Variants in SEMA3E observed in about 807,000 individuals in gnomAD.
SEMA3E encodes the protein semaphorin 3E.
A neutral mutation model predicts 93.6 loss-of-function variants in SEMA3E; 49 were observed. The observed-to-expected ratio is 0.52, with a 90% CI of 0.42 to 0.66. The LOEUF is 0.66. Among genes scored for constraint, SEMA3E ranks in the 30% least tolerant of loss-of-function variants. The probability of loss-of-function intolerance (pLI) is 0.00; values close to 1 mark genes in which losing one functional copy is unlikely to be tolerated. For missense variants in SEMA3E, 906 were observed against 964.8 expected (o/e 0.94, Z 0.81); for synonymous variants, 363 against 330.7 (o/e 1.10, Z -1.06).
intron 1 of SEMA3E, among the ~76,000 whole-genome samples, chr7:83,557,358 A>G (rs10274528): frequency 0.018 from 2,673 of 151,684 alleles, 76 homozygotes; most frequent in African/African-American, 0.059. Flanking sequence ...AAAAATAAGT[A>G]TCAACATAAA....
intron 4 of SEMA3E, among the ~76,000 whole-genome samples, chr7:83,452,331 A>G (rs1200407604): frequency 6.6e-6 from 1 of 152,122 alleles, no homozygotes; most frequent in East Asian, 1.9e-4. Flanking sequence ...AGTGGGGGAA[A>G]AAAAAGCCCT....
Position 83,390,128 on chromosome 7 carries a change from T to C in SEMA3E, c.1667+2427A>G, listed in dbSNP as rs547475086. ...GTGTGCACATATATGCGCGTATACGTGTGCACATATATGCGCGTATACGTG... is the reference window on the plus strand; with the variant it reads ...GTGTGCACATATATGCGCGTATACGCGTGCACATATATGCGCGTATACGTG... On this transcript the variant is annotated intron_variant, in intron 14 of 16. Coordinates refer to ENST00000643230, the MANE Select transcript of SEMA3E (RefSeq NM_012431.3). Among the ~76,000 whole-genome samples, 188 of 64,798 alleles carry C rather than the reference T, an allele frequency of 2.9e-3. 3 individuals are homozygous for C. Among genetic ancestry groups the C allele is most frequent in the African/African-American group, 7.8e-3 (132 of 16,984 alleles). 42.5% of individuals were successfully genotyped at this position (64,798 alleles called of 152,430 possible).
rs71522671 is a variant in SEMA3E, at chr7:83,600,486, A to ATTTTTTTTT, written c.115+47933_115+47941dup. 9.1e-3 allele frequency among the ~76,000 whole-genome samples: 575 copies of ATTTTTTTTT among 63,078 alleles called. 3 individuals carry two copies. Among genetic ancestry groups the ATTTTTTTTT allele is most frequent in the Non-Finnish European group, 0.012 (393 of 33,854 alleles). The allele number at this position is 63,078 out of a possible 152,430, so 41.4% of individuals were successfully genotyped here. On this transcript the variant is annotated intron_variant, in intron 1 of 16. Coordinates refer to ENST00000643230, the MANE Select transcript of SEMA3E (RefSeq NM_012431.3). ...AGGCGCCCGCCACCACGCCCAGCTA[A>ATTTTTTTTT]TTTTTTTTTTTTTTTTTTTTTTTTT...
Position 83,491,923 on chromosome 7 carries a change from A to G in SEMA3E, c.116-1649T>C, listed in dbSNP as rs185388551. 2.8e-4 allele frequency among the ~76,000 whole-genome samples: 42 copies of G among 152,188 alleles called. 1 individual carries two copies. The highest frequency in any genetic ancestry group is 2.3e-3 in the Admixed American group (35 of 15,248). ...TTCCTTTGCATACAGCAAGAGAAGC[A>G]CAGGTTGGGATCCACTAGCATAACA... is the stretch of plus-strand genomic sequence containing the variant. On this transcript the variant is annotated intron_variant, in intron 1 of 16. Coordinates refer to ENST00000643230, the MANE Select transcript of SEMA3E (RefSeq NM_012431.3).
chr7:83,430,235 C>A (rs553896128), intron 4 of SEMA3E, among the ~76,000 whole-genome samples: 2 of 152,076 alleles, frequency 1.3e-5, no homozygotes, highest in South Asian at 2.1e-4. Context: ...GAAGCCGAGG[C>A]GGGTGGATCA....
In SEMA3E at chr7:83,617,446, ATTTT is replaced by A. The variant is rs1793394441; in HGVS notation, c.115+30978_115+30981del. Among the ~76,000 whole-genome samples the A allele has an allele frequency of 3.1e-5, 4 of 128,408 alleles. No homozygotes were observed. The Admixed American group carries it at 3.3e-4, about 11-fold the overall frequency. The allele number at this position is 128,408 out of a possible 152,430, so 84.2% of individuals were successfully genotyped here. ...AATTTATATTAATAATTTTATATAA[ATTTT>A]ATATAAATAATATATAATTTTATAT... On this transcript the variant is annotated intron_variant, in intron 1 of 16. Transcript: ENST00000643230.
intron 1 of SEMA3E, among the ~76,000 whole-genome samples, chr7:83,545,829 A>AT (rs953151102): frequency 6.8e-6 from 1 of 146,988 alleles, no homozygotes. Flanking sequence ...ATATATATAT[A>AT]ATATATATCT....
At chr7:83,515,627 G>A (rs186945007) in intron 1 of SEMA3E, among the ~76,000 whole-genome samples, 1 of 152,126 alleles carries the variant, frequency 6.6e-6, no homozygotes, top group East Asian at 1.9e-4. Context: ...ATTATTATCC[G>A]GAATCTTCCA....
chr7:83,464,124 G>A (rs1346271343), intron 4 of SEMA3E, among the ~76,000 whole-genome samples: 1 of 151,996 alleles, frequency 6.6e-6, no homozygotes, highest in Non-Finnish European at 1.5e-5. Flanking sequence ...TTAGTATTCA[G>A]TGAAACCTTT....
chr7:83,514,052 A>C (rs1159299415), intron 1 of SEMA3E, among the ~76,000 whole-genome samples: 1 of 152,138 alleles, frequency 6.6e-6, no homozygotes, highest in African/African-American at 2.4e-5. Flanking sequence ...CCTAAATCCT[A>C]CCAAAACCAA....
intron 1 of SEMA3E, among the ~76,000 whole-genome samples, chr7:83,512,556 G>A (rs1325402187): frequency 4.0e-5 from 6 of 151,828 alleles, no homozygotes; most frequent in Admixed American, 3.3e-4. Flanking sequence ...TCTAAAGGAA[G>A]AAACAGAAAA....
rs190426154 is a variant in SEMA3E at position 83,647,920 on chromosome 7, G to T, written c.115+508C>A. On this transcript the variant is annotated intron_variant, in intron 1 of 16. Coordinates refer to ENST00000643230, the MANE Select transcript of SEMA3E (RefSeq NM_012431.3). ...CATGATGATGACAGTTATGGGTAGGGCATCATTTTTCTCCTCGGGATTTTT... is the reference window on the plus strand; with the variant it reads ...CATGATGATGACAGTTATGGGTAGGTCATCATTTTTCTCCTCGGGATTTTT... 4.6e-5 allele frequency among the ~76,000 whole-genome samples: 7 copies of T among 152,172 alleles called. No homozygotes were observed. The East Asian group carries it at 1.3e-3, about 29-fold the overall frequency.
intron 2 of SEMA3E, among the ~76,000 whole-genome samples, chr7:83,486,331 G>A (rs987139569): frequency 3.9e-5 from 6 of 152,102 alleles, no homozygotes; most frequent in Admixed American, 1.3e-4. Flanking sequence ...AATGAACATG[G>A]CACTCCCATC....
At chr7:83,456,552 T>C (rs933348061) in intron 4 of SEMA3E, among the ~76,000 whole-genome samples, 41 of 151,948 alleles carry the variant, frequency 2.7e-4, no homozygotes, top group African/African-American at 9.4e-4. Context: ...TCAGCATTCT[T>C]AGACTTTTTA....
At chr7:83,527,255 A>C (rs1457720890) in intron 1 of SEMA3E, among the ~76,000 whole-genome samples, 2 of 152,066 alleles carry the variant, frequency 1.3e-5, no homozygotes, top group Non-Finnish European at 2.9e-5. Flanking sequence ...TTAATTTTGG[A>C]CTTCCAGCCT....
chr7:83,642,266 G>C (rs1175197326), intron 1 of SEMA3E, among the ~76,000 whole-genome samples: 2 of 152,116 alleles, frequency 1.3e-5, no homozygotes, highest in Non-Finnish European at 2.9e-5. Context: ...TGGAGGTAAG[G>C]TTACCAAGGC....
chr7:83,400,211 T>C lies in SEMA3E; in HGVS notation c.1183A>G (p.Lys395Glu). 6.2e-7 allele frequency: 1 copy of C among 1,613,966 alleles called. No individual in the cohort carries two copies. Among genetic ancestry groups the C allele is most frequent in the African/African-American group, 1.3e-5 (1 of 75,028 alleles). Residue 395 changes from lysine to glutamate, a missense_variant, in exon 11 of 17, where the codon AAG becomes GAG. By Grantham distance (56) the Lys-to-Glu change is moderately conservative (BLOSUM62 1). Transcript: ENST00000643230. Reference sequence around the variant, plus strand: ...CGGATGGCATCATCAGGATAGTCCTTGGTGGTTCCGTATCTCCCTCCATTT... The same window carrying C: ...CGGATGGCATCATCAGGATAGTCCTCGGTGGTTCCGTATCTCCCTCCATTT... ...KVNGGRYGTTKDYPDDAIRFA... is the reference protein window; with the variant it reads ...KVNGGRYGTTEDYPDDAIRFA...
At chr7:83,512,288 G>A (rs1790840712) in intron 1 of SEMA3E, among the ~76,000 whole-genome samples, 2 of 152,168 alleles carry the variant, frequency 1.3e-5, no homozygotes, top group Non-Finnish European at 2.9e-5. Context: ...CCTAGACAAA[G>A]AAAGAAAGTC....
Position 83,538,833 on chromosome 7 carries a change from A to G in SEMA3E, c.116-48559T>C, listed in dbSNP as rs1413452987. Reference sequence around the variant, plus strand: ...ATCTTCTTGAATAAACCTTTTCAGGAGCCATCTCATCTGCTGAAGGTCAGC... The same window carrying G: ...ATCTTCTTGAATAAACCTTTTCAGGGGCCATCTCATCTGCTGAAGGTCAGC... On this transcript the variant is annotated intron_variant, in intron 1 of 16. Transcript: ENST00000643230. Among the ~76,000 whole-genome samples the G allele has an allele frequency of 3.3e-5, 5 of 152,136 alleles. No homozygotes were observed. In the East Asian group the frequency reaches 9.6e-4, roughly 29 times the overall value.
Sources: gnomAD v4.1 joint callset for allele counts (sites outside exome capture counted in the v4.1 genomes callset) on GRCh38, gnomAD v4.1.1 for gene constraint, MANE v1.5 for transcripts, NCBI Gene and HGNC (gene_info 2026-07-23, HGNC 2026-07-21) for gene names.